Variants in IQCK observed in about 807,000 individuals in gnomAD.
IQCK encodes IQ domain-containing protein K.
IQCK carries 29 observed loss-of-function variants against 28.1 expected under a neutral mutation model. The ratio of observed to expected loss-of-function variants is 1.03; its 90% confidence interval spans 0.77 to 1.41. IQCK has a LOEUF of 1.41. Among genes scored for constraint, IQCK ranks in the 40% most tolerant of loss-of-function variants. The pLI is 0.00. For missense variants in IQCK, 359 were observed against 314.7 expected, an observed-to-expected ratio of 1.14 and a Z score of -1.07; for synonymous variants, 113 against 115.1, an observed-to-expected ratio of 0.98 and a Z score of 0.12.
At chr16:19,738,089 C>T (rs2054781837) in intron 4 of IQCK, among the ~76,000 whole-genome samples, 1 of 152,172 alleles carries the variant, frequency 6.6e-6, no homozygotes, top group African/African-American at 2.4e-5. Flanking sequence ...TCTGTCTCCC[C>T]CTGTATTTTA....
chr16:19,758,836 A>G (rs2055090612), intron 4 of IQCK, among the ~76,000 whole-genome samples: 1 of 152,150 alleles, frequency 6.6e-6, no homozygotes, highest in African/African-American at 2.4e-5. Context: ...ACGATATTTT[A>G]TTTACTAAAA....
At chr16:19,793,654 T>TG (rs1434077520) in intron 7 of IQCK, among the ~76,000 whole-genome samples, 2 of 130,440 alleles carry the variant, frequency 1.5e-5, no homozygotes, top group African/African-American at 6.7e-5. Context: ...TTTTTTTTTT[T>TG]TTTTTTTTTT....
chr16:19,822,825 G>T (rs1007810237), intron 7 of IQCK, among the ~76,000 whole-genome samples: 11 of 152,088 alleles, frequency 7.2e-5, no homozygotes, highest in Non-Finnish European at 1.6e-4. Context: ...TACTTTAAAA[G>T]GATTAAAATG....
chr16:19,747,266 A>T (rs1026754730), intron 4 of IQCK, among the ~76,000 whole-genome samples: 2 of 152,124 alleles, frequency 1.3e-5, no homozygotes, highest in Admixed American at 6.5e-5. Context: ...CTGGTCTAGG[A>T]TGGCCTCAGC....
At chr16:19,782,062 C>T (rs902361734) in intron 6 of IQCK, among the ~76,000 whole-genome samples, 1 of 152,060 alleles carries the variant, frequency 6.6e-6, no homozygotes, top group African/African-American at 2.4e-5. Context: ...AAGGCGAGGG[C>T]TGGGTAAAGT....
At chr16:19,844,452 A>G (rs2056393477) in intron 9 of IQCK, among the ~76,000 whole-genome samples, 1 of 152,202 alleles carries the variant, frequency 6.6e-6, no homozygotes, top group Admixed American at 6.6e-5. Flanking sequence ...TTTATAGGAA[A>G]GAAGAGTATG....
chr16:19,822,338 A>G (rs2056085512), intron 7 of IQCK, among the ~76,000 whole-genome samples: 1 of 146,922 alleles, frequency 6.8e-6, no homozygotes, highest in Non-Finnish European at 1.5e-5. Flanking sequence ...GTGAGCTGAG[A>G]TCATGCCACT....
chr16:19,835,358 G>A (rs1295753427), intron 9 of IQCK, among the ~76,000 whole-genome samples: 1 of 152,108 alleles, frequency 6.6e-6, no homozygotes, highest in Non-Finnish European at 1.5e-5. Context: ...TAACTGGCTT[G>A]TTTTTTCTTC....
intron 7 of IQCK, among the ~76,000 whole-genome samples, chr16:19,803,846 C>G (rs953138130): frequency 6.6e-6 from 1 of 152,060 alleles, no homozygotes; most frequent in African/African-American, 2.4e-5. Context: ...GGGGGTCTCA[C>G]TATGTTGCCC....
downstream of IQCK, among the ~76,000 whole-genome samples, chr16:19,828,897 T>C (rs957199901): frequency 8.1e-4 from 105 of 129,198 alleles, no homozygotes; most frequent in Non-Finnish European, 1.4e-3. Flanking sequence ...ATATATATTA[T>C]ATATATTTTT....
chr16:19,729,905 A>G (rs1210953464), intron 1 of IQCK, among the ~76,000 whole-genome samples: 1 of 151,750 alleles, frequency 6.6e-6, no homozygotes, highest in East Asian at 1.9e-4. Context: ...CTGCCTCCCA[A>G]AGTGTTGGGA....
downstream of IQCK, among the ~76,000 whole-genome samples, chr16:19,829,090 C>A (rs1033995488): frequency 6.7e-6 from 1 of 149,274 alleles, no homozygotes; most frequent in African/African-American, 2.5e-5. Flanking sequence ...AGAATTTGGA[C>A]CAGAGGGGTG....
At chr16:19,733,719 C>A in exon 3 of IQCK, 1 of 1,614,170 alleles carries the variant, frequency 6.2e-7, no homozygotes, top group Non-Finnish European at 8.5e-7. Context: ...AGAGGAAATG[C>A]TTTTTCATGG....
chr16:19,754,797 T>G (rs2055030763), intron 4 of IQCK, among the ~76,000 whole-genome samples: 2 of 152,128 alleles, frequency 1.3e-5, no homozygotes, highest in South Asian at 2.1e-4. Context: ...TAAGGAAAAT[T>G]AGTAATACCA....
At chr16:19,723,676 G>A (rs1012539410) in intron 1 of IQCK, among the ~76,000 whole-genome samples, 3 of 152,060 alleles carry the variant, frequency 2.0e-5, no homozygotes, top group South Asian at 2.1e-4. Flanking sequence ...CTTCCTGGCC[G>A]GGCGTGGTAG....
chr16:19,722,592 A>G (rs1055634923), intron 1 of IQCK, among the ~76,000 whole-genome samples: 7 of 152,188 alleles, frequency 4.6e-5, no homozygotes, highest in African/African-American at 1.4e-4. Flanking sequence ...TGTATCTACC[A>G]GGGCTGGGAA....
At chr16:19,745,897 G>A (rs1210048739) in intron 4 of IQCK, among the ~76,000 whole-genome samples, 4 of 152,122 alleles carry the variant, frequency 2.6e-5, no homozygotes, top group African/African-American at 7.2e-5. Context: ...CCTCCAGTGG[G>A]CCAGCCCAGC....
At chr16:19,760,115 C>T (rs2055115646) in intron 4 of IQCK, among the ~76,000 whole-genome samples, 1 of 152,096 alleles carries the variant, frequency 6.6e-6, no homozygotes, top group Non-Finnish European at 1.5e-5. Flanking sequence ...CAGAGAGAGA[C>T]TCTGTCTCTA....
intron 7 of IQCK, among the ~76,000 whole-genome samples, chr16:19,811,831 G>C (rs2055909353): frequency 6.6e-6 from 1 of 152,106 alleles, no homozygotes; most frequent in Non-Finnish European, 1.5e-5. Context: ...CAGATCATTA[G>C]AATCACCTAG....
Sources: gnomAD v4.1 joint callset for allele counts (sites outside exome capture counted in the v4.1 genomes callset) on GRCh38, gnomAD v4.1.1 for gene constraint, MANE v1.5 for transcripts, NCBI Gene and HGNC (gene_info 2026-07-23, HGNC 2026-07-21) for gene names.